The following CTNNA2 variants were observed in gnomAD, a reference collection of about 807,000 sequenced individuals.
CTNNA2 encodes the protein catenin alpha 2, also known as catenin alpha-2.
A neutral mutation model predicts 101.0 loss-of-function variants in CTNNA2; 42 were observed. The ratio of observed to expected loss-of-function variants is 0.42; its 90% CI spans 0.32 to 0.54. The LOEUF (loss-of-function observed/expected upper bound fraction) is 0.54. CTNNA2 is among the 20% of genes least tolerant of loss of function. The probability of loss-of-function intolerance (pLI) is 0.14; values close to 1 mark genes in which losing one functional copy is unlikely to be tolerated. For synonymous variants in CTNNA2, 450 were observed against 456.4 expected (o/e 0.99, Z 0.18); for missense variants, 871 against 1,223.1 (o/e 0.71, Z 4.29).
At chr2:79,367,302 G>A (rs1433693551) in intron 3 of CTNNA2, among the ~76,000 whole-genome samples, 3 of 152,204 alleles carry the variant, frequency 2.0e-5, no homozygotes, top group Non-Finnish European at 4.4e-5. Context: ...TTTCGGTTAA[G>A]CCAGCCAGTC....
chr2:79,770,873 A>G (rs1673521118), intron 3 of CTNNA2, among the ~76,000 whole-genome samples: 2 of 152,216 alleles, frequency 1.3e-5, no homozygotes, highest in African/African-American at 2.4e-5. Flanking sequence ...AGTAAGTGAA[A>G]TCAATTCTTA....
intron 3 of CTNNA2, among the ~76,000 whole-genome samples, chr2:79,338,509 C>T (rs1677048029): frequency 6.6e-6 from 1 of 152,024 alleles, no homozygotes; most frequent in Non-Finnish European, 1.5e-5. Context: ...AAAGCCATGT[C>T]AGGGACATGA....
chr2:80,033,169 A>C (rs1695415125), intron 7 of CTNNA2, among the ~76,000 whole-genome samples: 1 of 150,906 alleles, frequency 6.6e-6, no homozygotes, highest in Admixed American at 6.6e-5. Context: ...AAAAAAAACA[A>C]ACACACAAAA....
intron 7 of CTNNA2, among the ~76,000 whole-genome samples, chr2:79,992,981 A>G (rs1048583015): frequency 6.6e-6 from 1 of 152,094 alleles, no homozygotes; most frequent in African/African-American, 2.4e-5. Context: ...TTTTGCTTTC[A>G]TTACTTCTCC....
At chr2:79,614,032 T>C (rs978304882) in intron 1 of CTNNA2, among the ~76,000 whole-genome samples, 1 of 152,212 alleles carries the variant, frequency 6.6e-6, no homozygotes, top group Non-Finnish European at 1.5e-5. Context: ...GTGCTCCTTA[T>C]AGTAGGCTCT....
chr2:79,543,180 C>T (rs1165405799), intron 1 of CTNNA2, among the ~76,000 whole-genome samples: 3 of 151,994 alleles, frequency 2.0e-5, no homozygotes, highest in African/African-American at 4.8e-5. Flanking sequence ...TTTACTATTT[C>T]GGAACACGTT....
intron 4 of CTNNA2, among the ~76,000 whole-genome samples, chr2:79,430,402 G>C (rs1004034809): frequency 7.2e-5 from 11 of 152,130 alleles, no homozygotes; most frequent in Non-Finnish European, 1.5e-4. Flanking sequence ...TCAGTCATAA[G>C]AGAAAATGTG....
chr2:79,914,428 A>C (rs571928181), intron 7 of CTNNA2, among the ~76,000 whole-genome samples: 4 of 152,332 alleles, frequency 2.6e-5, no homozygotes, highest in South Asian at 4.1e-4. Flanking sequence ...ATGAAGAACA[A>C]TAAGGAAATT....
intron 4 of CTNNA2, among the ~76,000 whole-genome samples, chr2:79,480,284 T>G (rs1671095109): frequency 6.6e-6 from 1 of 152,130 alleles, no homozygotes; most frequent in Non-Finnish European, 1.5e-5. Flanking sequence ...CTCATTATGC[T>G]CTACCTCCAA....
At chr2:80,157,002 C>G (rs1202333160) in intron 7 of CTNNA2, among the ~76,000 whole-genome samples, 1 of 152,200 alleles carries the variant, frequency 6.6e-6, no homozygotes. Context: ...CTCCATGAGA[C>G]TTTCTGTCCC....
chr2:79,257,815 A>AC (rs2104282145), intron 2 of CTNNA2, among the ~76,000 whole-genome samples: 1 of 147,176 alleles, frequency 6.8e-6, no homozygotes, highest in South Asian at 2.2e-4. Flanking sequence ...AAAAAAAAAA[A>AC]GAAGAAGAAA....
chr2:80,639,429 C>T (rs557850620), intron 18 of CTNNA2, among the ~76,000 whole-genome samples: 43 of 152,000 alleles, frequency 2.8e-4, no homozygotes, highest in South Asian at 8.3e-4. Context: ...AGACTGGTCT[C>T]GATCTCCTGA....
intron 7 of CTNNA2, among the ~76,000 whole-genome samples, chr2:80,059,400 A>G (rs1399322797): frequency 6.6e-6 from 1 of 152,254 alleles, no homozygotes; most frequent in East Asian, 1.9e-4. Flanking sequence ...ATAAATGCAC[A>G]TTGAAACTCT....
chr2:80,144,652 C>T (rs768111184), intron 7 of CTNNA2, among the ~76,000 whole-genome samples: 14 of 152,110 alleles, frequency 9.2e-5, no homozygotes, highest in Admixed American at 3.9e-4. Flanking sequence ...TTTTCACTTT[C>T]GCCCAAGTCA....
intron 2 of CTNNA2, among the ~76,000 whole-genome samples, chr2:79,697,010 A>C (rs2104733614): frequency 6.6e-6 from 1 of 152,102 alleles, no homozygotes; most frequent in African/African-American, 2.4e-5. Context: ...GAAATGGTCA[A>C]GTCAATACCC....
chr2:79,939,910 G>A (rs1688037159), intron 7 of CTNNA2, among the ~76,000 whole-genome samples: 1 of 152,048 alleles, frequency 6.6e-6, no homozygotes, highest in Non-Finnish European at 1.5e-5. Context: ...CTGACCAACA[G>A]GGAGAAATCC....
intron 18 of CTNNA2, among the ~76,000 whole-genome samples, chr2:80,637,170 C>G (rs1327217724): frequency 2.0e-5 from 3 of 152,088 alleles, no homozygotes; most frequent in African/African-American, 7.2e-5. Context: ...TTGGACTCAC[C>G]TGGTGATTTA....
chr2:80,337,471 C>T (rs1303268687), intron 7 of CTNNA2, among the ~76,000 whole-genome samples: 5 of 151,008 alleles, frequency 3.3e-5, no homozygotes, highest in African/African-American at 1.2e-4. Context: ...CCACCCCACC[C>T]TTTTTTTCTT....
At chr2:79,295,200 A>G (rs1675949457) in intron 2 of CTNNA2, among the ~76,000 whole-genome samples, 1 of 152,082 alleles carries the variant, frequency 6.6e-6, no homozygotes, top group Admixed American at 6.6e-5. Flanking sequence ...TATTTCTCAC[A>G]TTTTGTCCTC....
Sources: gnomAD v4.1 joint callset for allele counts (sites outside exome capture counted in the v4.1 genomes callset) on GRCh38, gnomAD v4.1.1 for gene constraint, MANE v1.5 for transcripts, NCBI Gene and HGNC (gene_info 2026-07-23, HGNC 2026-07-21) for gene names.